The following BIK variants were observed in gnomAD, a reference collection of about 807,000 sequenced individuals.
BIK encodes BCL2 interacting killer, also known as bcl-2-interacting killer.
BIK carries 14 observed loss-of-function variants against 12.1 expected under a neutral mutation model. The ratio of observed to expected loss-of-function variants is 1.16; its 90% CI spans 0.77 to 1.81. BIK has a LOEUF of 1.81. Among genes scored for constraint, BIK ranks in the 40% most tolerant of loss-of-function variants. The probability of loss-of-function intolerance (pLI) is 0.00; values close to 1 mark genes in which losing one functional copy is unlikely to be tolerated. For missense variants in BIK, 215 were observed against 207.9 expected (o/e 1.03, Z -0.21); for synonymous variants, 86 against 92.3 (o/e 0.93, Z 0.39).
intron 2 of BIK, among the ~76,000 whole-genome samples, 176 bp from the exon 3 acceptor site, chr22:43,127,521 A>G (rs181851101): frequency 4.0e-4 from 61 of 152,314 alleles, no homozygotes; most frequent in African/African-American, 1.4e-3. Flanking sequence ...TCTGAATCCA[A>G]GTGGGAGCCG....
chr22:43,127,026 A>T (rs1930329594), intron 2 of BIK, among the ~76,000 whole-genome samples: 2 of 152,060 alleles, frequency 1.3e-5, no homozygotes, highest in Admixed American at 1.3e-4. Flanking sequence ...AGTCACTGGG[A>T]TGGAATGCAC....
intron 1 of BIK, among the ~76,000 whole-genome samples, chr22:43,116,161 C>T (rs909616494): frequency 6.6e-6 from 1 of 152,194 alleles, no homozygotes; most frequent in African/African-American, 2.4e-5. Context: ...GCACAGGCTT[C>T]CCCTTTTTGG....
Position 43,127,745 on chromosome 22 carries a change from G to A in BIK, c.210G>A (p.Val70=). ...CCTGCATCGGGGACGAGATGGACGT[G>A]AGCCTCAGGGCCCCGCGCCTGGCCC... ...RLACIGDEMD[V]SLRAPRLAQL... is the part of the protein sequence containing the mutation. Residue 70 remains valine, a synonymous_variant, in exon 3 of 5, where the codon GTG becomes GTA. Transcript: ENST00000216115. 7.1e-6 allele frequency: 11 copies of A among 1,554,202 alleles called. No homozygotes were observed. The highest frequency in any genetic ancestry group is 9.6e-6 in the Non-Finnish European group (11 of 1,149,584).
At chr22:43,126,501 C>T (rs879776360) in intron 2 of BIK, among the ~76,000 whole-genome samples, 8 of 152,148 alleles carry the variant, frequency 5.3e-5, no homozygotes, top group Non-Finnish European at 7.3e-5. Context: ...CTGGCACTTT[C>T]ATTCTTCCCC....
rs369779299 is a variant in BIK at position 43,127,799 on chromosome 22, G to GC, written c.260+6dup. 976 of 1,548,390 alleles carry GC rather than the reference G, an allele frequency of 6.3e-4. 11 individuals carry two copies. The African/African-American group carries it at 0.012, about 19-fold the overall frequency. ...TCTCCGAGGTGGCCATGCACAGGTA[G>GC]CCGGCCTATGCCCTATGCCTCTACA... is the stretch of plus-strand genomic sequence containing the variant. On this transcript the variant is annotated splice_donor_region_variant and intron_variant, in intron 3 of 4. Coordinates refer to ENST00000216115, the MANE Select transcript of BIK (RefSeq NM_001197.5).
chr22:43,119,951 C>T (rs11912321), intron 1 of BIK, among the ~76,000 whole-genome samples: 11 of 151,978 alleles, frequency 7.2e-5, no homozygotes, highest in Non-Finnish European at 1.2e-4. Context: ...CCTGGGCAAA[C>T]GGGTGAGACC....
In BIK at chr22:43,115,584, TC is replaced by T. The variant is rs536622354; in HGVS notation, c.-8+4784del. On this transcript the variant is annotated intron_variant, in intron 1 of 4. Coordinates refer to ENST00000216115, the MANE Select transcript of BIK (RefSeq NM_001197.5). ...TTCAAGTGATTCTCCTTCCTCAGCC[TC>T]CCTAGTAGCTGGGATTACAGGCGTG... Among the ~76,000 whole-genome samples the T allele has an allele frequency of 2.4e-3, 367 of 152,258 alleles. 3 individuals are homozygous for T. The highest frequency in any genetic ancestry group is 8.6e-3 in the African/African-American group (356 of 41,550).
chr22:43,118,422 C>T (rs1930158985), intron 1 of BIK, among the ~76,000 whole-genome samples: 1 of 152,224 alleles, frequency 6.6e-6, no homozygotes, highest in South Asian at 2.1e-4. Flanking sequence ...GGAGGCCCGG[C>T]TGTTTCTGCA....
intron 1 of BIK, among the ~76,000 whole-genome samples, chr22:43,122,599 T>C (rs1252581744): frequency 1.3e-5 from 2 of 152,172 alleles, no homozygotes; most frequent in African/African-American, 2.4e-5. Context: ...GTGGGGTACA[T>C]GATGGTGAAT....
chr22:43,129,326 G>T lies in BIK; in HGVS notation c.*21G>T, dbSNP rs150958238. ...AGTGAGGCCCCGGCGGCTCAGGGCG[G>T]GGCTGGCCCCACCCCCATGACCACT... On this transcript the variant is annotated 3_prime_UTR_variant, in exon 5 of 5. Transcript: ENST00000216115. 19,488 of 1,594,306 alleles carry T rather than the reference G, an allele frequency of 0.012. 195 individuals carry two copies. Among genetic ancestry groups the T allele is most frequent in the South Asian group, 0.02 (1,823 of 90,582 alleles).
rs1343512816 is a variant in BIK at position 43,128,483 on chromosome 22, TC to T, written c.261-12del. The T allele has an allele frequency of 8.0e-5, 20 of 250,074 alleles. No individual in the cohort carries two copies. Among genetic ancestry groups the T allele is most frequent in the Non-Finnish European group, 1.4e-4 (18 of 126,052 alleles). The allele number at this position is 250,074 out of a possible 1,614,324, so 15.5% of individuals were successfully genotyped here. ...CAGTAATGGCTTTGTCCCCCCATCC[TC>T]TTTGTCTATAGCCTGGGTCTGGCTT... On this transcript the variant is annotated splice_polypyrimidine_tract_variant and intron_variant, in intron 3 of 4. Transcript: ENST00000216115.
chr22:43,119,179 T>A (rs1930173468), intron 1 of BIK, among the ~76,000 whole-genome samples: 1 of 151,920 alleles, frequency 6.6e-6, no homozygotes, highest in Non-Finnish European at 1.5e-5. Flanking sequence ...GCCTGGTGTT[T>A]CCACTGGTGA....
chr22:43,127,410 C>T (rs1458732015), intron 2 of BIK, among the ~76,000 whole-genome samples: 2 of 152,212 alleles, frequency 1.3e-5, no homozygotes, highest in African/African-American at 2.4e-5. Context: ...TTCCCCTTGT[C>T]CACCATTTCC....
Position 43,129,249 on chromosome 22 carries a change from C to T in BIK, c.427C>T (p.Leu143=). 2 of 1,599,014 alleles carry T rather than the reference C, an allele frequency of 1.3e-6. No individual in the cohort carries two copies. Among genetic ancestry groups the T allele is most frequent in the Non-Finnish European group, 1.7e-6 (2 of 1,177,036 alleles). ...CEQVLLALLL[L]LALLLPLLSG... is the part of the protein sequence containing the mutation. ...ACAGGTGCTGCTGGCGCTGCTGCTGCTGCTGGCGCTGCTGCTGCCGCTGCT... is the reference window on the plus strand; with the variant it reads ...ACAGGTGCTGCTGGCGCTGCTGCTGTTGCTGGCGCTGCTGCTGCCGCTGCT... Residue 143 remains leucine (L), a synonymous_variant, in exon 5 of 5, where the codon CTG becomes TTG. Transcript: ENST00000216115.
At chr22:43,117,632 A>G (rs1930142064) in intron 1 of BIK, among the ~76,000 whole-genome samples, 1 of 151,166 alleles carries the variant, frequency 6.6e-6, no homozygotes, top group Non-Finnish European at 1.5e-5. Context: ...AACCTCCCAA[A>G]GTGCTGGGAT....
chr22:43,117,693 A>T (rs1227873763), intron 1 of BIK, among the ~76,000 whole-genome samples: 5 of 120,254 alleles, frequency 4.2e-5, no homozygotes, highest in Non-Finnish European at 5.1e-5. Flanking sequence ...TTTGAGATGG[A>T]GTTTTTCGCT....
intron 1 of BIK, among the ~76,000 whole-genome samples, chr22:43,113,717 G>A (rs140565436): frequency 1.3e-5 from 2 of 152,260 alleles, no homozygotes; most frequent in East Asian, 3.8e-4. Flanking sequence ...CACTGCTGGT[G>A]GTATTTTCCC....
intron 1 of BIK, among the ~76,000 whole-genome samples, chr22:43,117,699 T>TC (rs1930143999): frequency 7.0e-6 from 1 of 143,830 alleles, no homozygotes. Context: ...ATGGAGTTTT[T>TC]CGCTCTTGTC....
chr22:43,125,324 C>T (rs765491689), intron 2 of BIK, among the ~76,000 whole-genome samples: 41 of 152,172 alleles, frequency 2.7e-4, no homozygotes, highest in Non-Finnish European at 5.6e-4. Context: ...GGGAATGCAA[C>T]CCAGTAGGTC....
Sources: allele counts gnomAD v4.1 joint callset (sites outside exome capture counted in the v4.1 genomes callset), GRCh38; gene constraint gnomAD v4.1.1; transcripts MANE v1.5; gene names NCBI Gene and HGNC (gene_info 2026-07-23, HGNC 2026-07-21).